Variants in RPTOR observed in about 807,000 individuals in gnomAD.
The protein encoded by RPTOR is regulatory-associated protein of mTOR.
Under a neutral mutation model 169.9 loss-of-function variants are expected in RPTOR, and 21 were observed. The observed-to-expected ratio is 0.12, with a 90% confidence interval of 0.09 to 0.18. RPTOR has a LOEUF of 0.18. Among genes scored for constraint, RPTOR ranks in the 10% least tolerant of loss-of-function variants. RPTOR has a pLI of 1.00. For missense variants in RPTOR, 1,133 were observed against 1,855.9 expected, an observed-to-expected ratio of 0.61 and a Z score of 7.16; for synonymous variants, 732 against 753.2, an observed-to-expected ratio of 0.97 and a Z score of 0.46.
At chr17:80,882,126 C>T (rs2068192247) in intron 14 of RPTOR, among the ~76,000 whole-genome samples, 1 of 152,166 alleles carries the variant, frequency 6.6e-6, no homozygotes, top group East Asian at 1.9e-4. Flanking sequence ...CCACCTGGAG[C>T]GCCGTCCATG....
At chr17:80,891,667 ACAAT>A in intron 17 of RPTOR, 49 bp from the exon 18 acceptor site, 1 of 1,245,890 alleles carries the variant, frequency 8.0e-7, no homozygotes, top group Non-Finnish European at 1.2e-6. Context: ...CTGCTGCTCC[ACAAT>A]CATTTTCCAG....
At chr17:80,648,000 G>C (rs529063062) in intron 3 of RPTOR, among the ~76,000 whole-genome samples, 254 of 152,232 alleles carry the variant, frequency 1.7e-3, no homozygotes, top group Non-Finnish European at 2.5e-3. Flanking sequence ...TGTGGTTAAG[G>C]GATGAAAGTT....
Position 80,820,008 on chromosome 17 carries a change from G to A in RPTOR, c.891-2193G>A, listed in dbSNP as rs1159709087. 6.6e-6 allele frequency among the ~76,000 whole-genome samples: 1 copy of A among 152,142 alleles called. No homozygotes were observed. Among genetic ancestry groups the A allele is most frequent in the Non-Finnish European group, 1.5e-5 (1 of 68,020 alleles). On this transcript the variant is annotated intron_variant, in intron 7 of 33. Transcript: ENST00000306801. The surrounding 1 kb of genome is among the most constrained non-coding windows in gnomAD (Gnocchi z 4.1). Reference sequence around the variant, plus strand: ...GCCTCTCTTCCTGAGGCTTGGGGACGGTCCTCTGCCCTCATAGTTTGACTA... The same window carrying A: ...GCCTCTCTTCCTGAGGCTTGGGGACAGTCCTCTGCCCTCATAGTTTGACTA...
intron 13 of RPTOR, among the ~76,000 whole-genome samples, chr17:80,877,640 G>A (rs1312551628): frequency 6.6e-6 from 1 of 152,216 alleles, no homozygotes; most frequent in Non-Finnish European, 1.5e-5. Flanking sequence ...ACAAAGGAAG[G>A]TGCCTTCATT....
chr17:80,774,119 C>T (rs914511041), intron 6 of RPTOR: 1 of 985,412 alleles, frequency 1.0e-6, no homozygotes, highest in Non-Finnish European at 1.2e-6. Flanking sequence ...AGGCTCCTCT[C>T]CTGTTGGTGT....
At chr17:80,765,694 C>G (rs1028976854) in intron 6 of RPTOR, among the ~76,000 whole-genome samples, 1 of 152,192 alleles carries the variant, frequency 6.6e-6, no homozygotes, top group Admixed American at 6.5e-5. Context: ...CAGCGTCTCT[C>G]ATTTGCCATG....
At position 80,605,115 on chromosome 17, in the gene RPTOR, G is replaced by T. The variant is rs1301855649; in HGVS notation, c.163-20576G>T. ...GGCCAAGACGGTTAAGACGATCCAT[G>T]TCCTGTGGGATGGCCCATGTTTCAC... On this transcript the variant is annotated intron_variant, in intron 1 of 33. Transcript: ENST00000306801. Among the ~76,000 whole-genome samples, 14 of 152,220 alleles carry T rather than the reference G, an allele frequency of 9.2e-5. No homozygotes were observed. The East Asian group carries it at 2.7e-3, about 29-fold the overall frequency.
chr17:80,694,358 C>CCGT (rs2066018178), intron 3 of RPTOR, among the ~76,000 whole-genome samples: 1 of 152,258 alleles, frequency 6.6e-6, no homozygotes. Context: ...TGAATAAATA[C>CCGT]TGATTTCCCA....
intron 1 of RPTOR, among the ~76,000 whole-genome samples, chr17:80,610,446 G>A (rs754558325): frequency 2.6e-5 from 4 of 152,164 alleles, no homozygotes; most frequent in Non-Finnish European, 4.4e-5. Context: ...TTGAGATGAC[G>A]GGGCTGAGAT....
chr17:80,610,826 G>C (rs1399455018), intron 1 of RPTOR, among the ~76,000 whole-genome samples: 4 of 152,174 alleles, frequency 2.6e-5, no homozygotes, highest in African/African-American at 7.2e-5. Context: ...CGTACTGAAG[G>C]TATCATCATC....
intron 17 of RPTOR, among the ~76,000 whole-genome samples, chr17:80,889,151 T>C (rs1423929004): frequency 6.6e-6 from 1 of 152,162 alleles, no homozygotes; most frequent in Non-Finnish European, 1.5e-5. Flanking sequence ...AATGCGGAGC[T>C]CACAGCACTT....
chr17:80,710,016 A>T (rs1345351284), intron 4 of RPTOR, among the ~76,000 whole-genome samples: 1 of 150,010 alleles, frequency 6.7e-6, no homozygotes, highest in Admixed American at 6.7e-5. Context: ...TCTCTCTGTC[A>T]CCCAGGCTGG....
At chr17:80,945,442 A>G in intron 25 of RPTOR, 1 of 353,056 alleles carries the variant, frequency 2.8e-6, no homozygotes, top group Non-Finnish European at 5.2e-6. Context: ...AATACAAAAA[A>G]TTAGCTGGGC....
chr17:80,908,334 G>A (rs2068570150), intron 20 of RPTOR, among the ~76,000 whole-genome samples: 1 of 152,170 alleles, frequency 6.6e-6, no homozygotes, highest in Non-Finnish European at 1.5e-5. Context: ...GCCAGTGCCT[G>A]GAGGTGGACA....
At chr17:80,879,294 T>C (rs1222889643) in intron 13 of RPTOR, among the ~76,000 whole-genome samples, 1 of 151,310 alleles carries the variant, frequency 6.6e-6, no homozygotes, top group Non-Finnish European at 1.5e-5. Context: ...ACCTGCCATG[T>C]CCTTCCCGGC....
At position 80,922,021 on chromosome 17, in the gene RPTOR, A is replaced by G. The variant is rs531641012; in HGVS notation, c.2521-703A>G. 2.3e-4 allele frequency among the ~76,000 whole-genome samples: 35 copies of G among 152,254 alleles called. No individual in the cohort carries two copies. In the South Asian group the frequency reaches 3.1e-3, roughly 14 times the overall value. On this transcript the variant is annotated intron_variant, in intron 21 of 33. Coordinates refer to ENST00000306801, the MANE Select transcript of RPTOR (RefSeq NM_020761.3). ...CGTCACAGTCCAGGCAGCAGAGCCC[A>G]TTTTGCCACTGGAGAGAGCCCAAGC...
At chr17:80,614,199 C>T (rs1052881133) in intron 1 of RPTOR, among the ~76,000 whole-genome samples, 1 of 152,288 alleles carries the variant, frequency 6.6e-6, no homozygotes, top group Admixed American at 6.5e-5. Context: ...CCACATGCTG[C>T]GGTTGGGGGT....
At chr17:80,682,051 A>G (rs949699462) in intron 3 of RPTOR, among the ~76,000 whole-genome samples, 12 of 151,500 alleles carry the variant, frequency 7.9e-5, no homozygotes, top group Admixed American at 7.9e-4. Flanking sequence ...GATTAGCCAC[A>G]TCATATTTTC....
intron 21 of RPTOR, among the ~76,000 whole-genome samples, chr17:80,919,998 C>T (rs2068725918): frequency 1.3e-5 from 2 of 152,362 alleles, no homozygotes; most frequent in South Asian, 2.1e-4. Context: ...CCGCACTCAG[C>T]CCTCCAGTTT....
Sources: allele counts gnomAD v4.1 joint callset (sites outside exome capture counted in the v4.1 genomes callset), GRCh38; gene constraint gnomAD v4.1.1; non-coding constraint Gnocchi (gnomAD v3.1); transcripts MANE v1.5; gene names NCBI Gene and HGNC (gene_info 2026-07-23, HGNC 2026-07-21).